Variants in GRIP1 observed in about 807,000 individuals in gnomAD.
GRIP1 encodes the protein glutamate receptor-interacting protein 1.
In GRIP1, 45 loss-of-function variants were observed where a neutral mutation model predicts 129.9. The observed-to-expected ratio is 0.35, with a 90% CI of 0.27 to 0.44. The LOEUF (loss-of-function observed/expected upper bound fraction) is 0.44. GRIP1 is among the 20% of genes least tolerant of loss of function. The pLI is 1.00. For missense variants in GRIP1, 1,196 were observed against 1,396.8 expected (o/e 0.86, Z 2.29); for synonymous variants, 530 against 520.8 (o/e 1.02, Z -0.24).
intron 1 of GRIP1, among the ~76,000 whole-genome samples, chr12:66,966,055 A>T (rs761141665): frequency 2.0e-5 from 3 of 152,152 alleles, no homozygotes; most frequent in Non-Finnish European, 2.9e-5. Flanking sequence ...AAAGACAATG[A>T]ATAACATGGG....
At chr12:67,029,194 C>G (rs2042983920) in intron 1 of GRIP1, among the ~76,000 whole-genome samples, 1 of 152,154 alleles carries the variant, frequency 6.6e-6, no homozygotes, top group Non-Finnish European at 1.5e-5. Context: ...TCACTGCAAC[C>G]TCCGCCTCTC....
intron 1 of GRIP1, among the ~76,000 whole-genome samples, chr12:66,629,204 ATTTG>A (rs2030454402): frequency 6.6e-6 from 1 of 152,216 alleles, no homozygotes; most frequent in Admixed American, 6.5e-5. Context: ...ACAAGAAAAT[ATTTG>A]TTTTAGTACA....
chr12:66,846,134 G>T (rs2039810651), intron 1 of GRIP1, among the ~76,000 whole-genome samples: 1 of 152,144 alleles, frequency 6.6e-6, no homozygotes, highest in African/African-American at 2.4e-5. Flanking sequence ...GCCATCTTTG[G>T]TGATTACTAT....
chr12:66,715,108 G>A (rs545770819), intron 1 of GRIP1, among the ~76,000 whole-genome samples: 5 of 152,006 alleles, frequency 3.3e-5, no homozygotes, highest in East Asian at 3.9e-4. Flanking sequence ...CTTCATCGAC[G>A]GCCAGGGATC....
chr12:66,873,022 A>G (rs2040321950), intron 1 of GRIP1, among the ~76,000 whole-genome samples: 1 of 152,064 alleles, frequency 6.6e-6, no homozygotes, highest in South Asian at 2.1e-4. Flanking sequence ...GCCTGGGCTG[A>G]TAAGACTCAA....
intron 7 of GRIP1, among the ~76,000 whole-genome samples, chr12:66,505,487 A>G (rs565725659): frequency 6.6e-6 from 1 of 152,316 alleles, no homozygotes; most frequent in East Asian, 1.9e-4. Flanking sequence ...GTGAGATCCT[A>G]AGCAAAAAAC....
intron 1 of GRIP1, among the ~76,000 whole-genome samples, chr12:66,891,353 G>C (rs999366997): frequency 2.1e-4 from 32 of 152,278 alleles, no homozygotes; most frequent in African/African-American, 7.5e-4. Flanking sequence ...CAAGAACCTA[G>C]CAGAGCAGCT....
At chr12:67,049,438 A>G (rs1487794481) in intron 1 of GRIP1, among the ~76,000 whole-genome samples, 1 of 152,192 alleles carries the variant, frequency 6.6e-6, no homozygotes, top group Admixed American at 6.6e-5. Context: ...GGAAGCCATC[A>G]TTCTCTGCAA....
intron 16 of GRIP1, among the ~76,000 whole-genome samples, chr12:66,400,794 A>C (rs1014367614): frequency 6.6e-6 from 1 of 152,200 alleles, no homozygotes; most frequent in Non-Finnish European, 1.5e-5. Context: ...TATGTGATAG[A>C]TTTGCAAACC....
intron 2 of GRIP1, among the ~76,000 whole-genome samples, chr12:66,547,707 C>T (rs1034214172): frequency 1.3e-5 from 2 of 152,152 alleles, no homozygotes; most frequent in Non-Finnish European, 2.9e-5. Flanking sequence ...ATTTATTTAA[C>T]ATTCTTGAAA....
chr12:67,034,294 G>A (rs1434548335), intron 1 of GRIP1, among the ~76,000 whole-genome samples: 5 of 152,284 alleles, frequency 3.3e-5, no homozygotes, highest in South Asian at 2.1e-4. Flanking sequence ...ACCAGGGGAC[G>A]AAGGAATGAC....
chr12:66,548,807 A>G (rs1415658417), intron 2 of GRIP1, among the ~76,000 whole-genome samples: 4 of 152,178 alleles, frequency 2.6e-5, no homozygotes, highest in African/African-American at 9.6e-5. Flanking sequence ...GGAGTGGGGC[A>G]GGCACACTAT....
intron 1 of GRIP1, among the ~76,000 whole-genome samples, chr12:66,900,410 T>C (rs900386916): frequency 1.3e-5 from 2 of 152,166 alleles, no homozygotes; most frequent in African/African-American, 4.8e-5. Context: ...ATCACATCTA[T>C]GAAGCAGGAA....
At chr12:66,357,682 A>T (rs969379894) in intron 23 of GRIP1, among the ~76,000 whole-genome samples, 2 of 152,232 alleles carry the variant, frequency 1.3e-5, no homozygotes, top group African/African-American at 4.8e-5. Flanking sequence ...GTAAAGGAGA[A>T]TTCTCTTTTA....
intron 7 of GRIP1, among the ~76,000 whole-genome samples, chr12:66,509,962 GA>G (rs904399801): frequency 3.4e-5 from 5 of 146,858 alleles, no homozygotes; most frequent in African/African-American, 7.5e-5. Flanking sequence ...AGTTGAAGAA[GA>G]AAAAAAAAAG....
chr12:66,897,494 A>G (rs2040769712), intron 1 of GRIP1, among the ~76,000 whole-genome samples: 1 of 152,240 alleles, frequency 6.6e-6, no homozygotes, highest in African/African-American at 2.4e-5. Flanking sequence ...CCCTTAATTA[A>G]GACCCAGAGG....
At chr12:66,805,933 C>A (rs2038981140), upstream of GRIP1, among the ~76,000 whole-genome samples, 1 of 147,888 alleles carries the variant, frequency 6.8e-6, no homozygotes, top group Non-Finnish European at 1.5e-5. Context: ...TTATGAACAT[C>A]TTTAAATTAA....
chr12:66,821,274 T>G (rs553937665), intron 1 of GRIP1, among the ~76,000 whole-genome samples: 268 of 152,318 alleles, frequency 1.8e-3, no homozygotes, highest in African/African-American at 6.2e-3. Context: ...TTAGAAAATT[T>G]TATTTAACAT....
chr12:66,657,445 T>C (rs17181840), intron 1 of GRIP1, among the ~76,000 whole-genome samples: 10,842 of 152,310 alleles, frequency 0.071, 534 homozygotes, highest in Middle Eastern at 0.11. Flanking sequence ...GCTGGCTTTA[T>C]GTCTCAAGTA....
Sources: allele counts gnomAD v4.1 joint callset (sites outside exome capture counted in the v4.1 genomes callset), GRCh38; gene constraint gnomAD v4.1.1; transcripts MANE v1.5; gene names NCBI Gene and HGNC (gene_info 2026-07-23, HGNC 2026-07-21).